Variants in CDH6 observed in about 807,000 individuals in gnomAD.
CDH6 encodes the protein cadherin 6.
In CDH6, 31 loss-of-function variants were observed where a neutral mutation model predicts 78.0. The ratio of observed to expected loss-of-function variants is 0.40; its 90% CI spans 0.30 to 0.54. The LOEUF is 0.54. Ranked by LOEUF, CDH6 falls within the 20% of genes least tolerant of loss-of-function variation. CDH6 has a pLI of 0.56. For missense variants in CDH6, 724 were observed against 975.9 expected, an observed-to-expected ratio of 0.74 and a Z score of 3.44; for synonymous variants, 376 against 368.8, an observed-to-expected ratio of 1.02 and a Z score of -0.23.
At chr5:31,316,173 T>C in intron 8 of CDH6, 35 bp from the exon 9 acceptor site, 1 of 1,589,378 alleles carries the variant, frequency 6.3e-7, no homozygotes, top group Non-Finnish European at 8.5e-7. Context: ...AATCAACATG[T>C]AAATGCCTTT....
At chr5:31,232,267 C>T (rs73758183) in intron 1 of CDH6, among the ~76,000 whole-genome samples, 1,849 of 152,282 alleles carry the variant, frequency 0.012, 40 homozygotes, top group African/African-American at 0.042. Flanking sequence ...AAAAGTGTTT[C>T]TGTTCCCCTC....
At chr5:31,314,281 T>C (rs777491816) in intron 8 of CDH6, among the ~76,000 whole-genome samples, 6 of 149,548 alleles carry the variant, frequency 4.0e-5, no homozygotes, top group Admixed American at 1.3e-4. Flanking sequence ...GTATATCTCC[T>C]AATGCTATCC....
chr5:31,270,180 A>G (rs1293933637), intron 2 of CDH6, among the ~76,000 whole-genome samples: 2 of 152,228 alleles, frequency 1.3e-5, no homozygotes, highest in African/African-American at 4.8e-5. Flanking sequence ...GCGATTATCC[A>G]GCTCCACTAG....
At chr5:31,258,868 G>A (rs1475747998) in intron 1 of CDH6, among the ~76,000 whole-genome samples, 2 of 152,138 alleles carry the variant, frequency 1.3e-5, no homozygotes. Flanking sequence ...CTTGTCATGT[G>A]GGCAGCAGCC....
At chr5:31,298,702 G>T (rs1194592822) in intron 4 of CDH6, among the ~76,000 whole-genome samples, 5 of 152,114 alleles carry the variant, frequency 3.3e-5, no homozygotes, top group Admixed American at 3.3e-4. Context: ...TAGAAATTGG[G>T]CAAACTTTTA....
rs1413756305 is a variant in CDH6, at chr5:31,327,491, G to C, written c.*4183G>C. 1 of 191,518 alleles carries C rather than the reference G, an allele frequency of 5.2e-6. No individual in the cohort carries two copies. The highest frequency in any genetic ancestry group is 8.3e-5 in the East Asian group (1 of 11,986). The allele number at this position is 191,518 out of a possible 1,614,324, so 11.9% of individuals were successfully genotyped here. On this transcript the variant is annotated 3_prime_UTR_variant, in exon 12 of 12. Coordinates refer to ENST00000265071, the MANE Select transcript of CDH6 (RefSeq NM_004932.4). The stretch of plus-strand genomic sequence containing the variant: ...GTTTTATCAAGATGAAATCTTGTTT[G>C]AATTGTGATATTATAAAAGGGGACT...
chr5:31,197,994 T>A (rs189997162), intron 1 of CDH6, among the ~76,000 whole-genome samples: 1 of 152,270 alleles, frequency 6.6e-6, no homozygotes, highest in East Asian at 1.9e-4. Context: ...ATAGTGTTTG[T>A]GATGCTATCA....
At chr5:31,267,275 C>A (rs1742388459) in intron 1 of CDH6, 71 bp from the exon 2 acceptor site, 1 of 511,928 alleles carries the variant, frequency 2.0e-6, no homozygotes, top group South Asian at 3.7e-5. Context: ...CTCTTTTTTC[C>A]CAGCCTATTT....
rs781387033 is a variant in CDH6, at chr5:31,305,359, T to C, written c.1185T>C (p.Asp395=). The C allele has an allele frequency of 4.3e-6, 7 of 1,614,012 alleles. No homozygotes were observed. Among genetic ancestry groups the C allele is most frequent in the Non-Finnish European group, 5.9e-6 (7 of 1,179,992 alleles). ...CCTACATCTTACAAATAAGAGAAGATGCTCAGATAAACACCACAATAGGCT... is the reference window on the plus strand; with the variant it reads ...CCTACATCTTACAAATAAGAGAAGACGCTCAGATAAACACCACAATAGGCT... ...KLAYILQIRE[D]AQINTTIGSV... is the part of the protein sequence containing the mutation. The change falls in exon 7 of 12, where the codon GAT becomes GAC. Residue 395 remains aspartate, a synonymous_variant. Transcript: ENST00000265071.
chr5:31,199,718 T>TATATATATATATAA (rs1177055995), intron 1 of CDH6, among the ~76,000 whole-genome samples: 1 of 78,360 alleles, frequency 1.3e-5, no homozygotes, highest in Non-Finnish European at 2.6e-5. Context: ...TATATATATC[T>TATATATATATATAA]CAAAGATAAA....
intron 1 of CDH6, among the ~76,000 whole-genome samples, chr5:31,253,459 G>A (rs1390365824): frequency 6.6e-6 from 1 of 152,266 alleles, no homozygotes; most frequent in South Asian, 2.1e-4. Flanking sequence ...GCTGAATTGT[G>A]AGCCAATTAA....
chr5:31,290,166 A>G (rs1163278902), intron 2 of CDH6, among the ~76,000 whole-genome samples: 1 of 152,192 alleles, frequency 6.6e-6, no homozygotes, highest in Non-Finnish European at 1.5e-5. Context: ...AGGCTGAGCC[A>G]AGAGAATTGC....
intron 1 of CDH6, among the ~76,000 whole-genome samples, chr5:31,255,870 C>T (rs1490724677): frequency 6.6e-6 from 1 of 152,326 alleles, no homozygotes; most frequent in Admixed American, 6.5e-5. Flanking sequence ...ATGAACAAAG[C>T]TATCCAAACA....
At chr5:31,231,739 G>A (rs76915559) in intron 1 of CDH6, among the ~76,000 whole-genome samples, 7,946 of 152,168 alleles carry the variant, frequency 0.052, 379 homozygotes, top group East Asian at 0.13. Context: ...ATTAATCCAT[G>A]CATGAACCTC....
At chr5:31,251,071 C>T (rs1338258236) in intron 1 of CDH6, 4 of 152,404 alleles carry the variant, frequency 2.6e-5, no homozygotes, top group African/African-American at 9.6e-5. Context: ...AGGCCACTTT[C>T]CTGGACACAG....
chr5:31,267,190 G>A (rs1742385768), intron 1 of CDH6, among the ~76,000 whole-genome samples, 156 bp from the exon 2 acceptor site: 2 of 152,264 alleles, frequency 1.3e-5, no homozygotes, highest in Middle Eastern at 3.4e-3. Flanking sequence ...CATTTAGCAT[G>A]TCTGGAAGAC....
At chr5:31,262,046 A>G (rs1742225468) in intron 1 of CDH6, among the ~76,000 whole-genome samples, 1 of 152,240 alleles carries the variant, frequency 6.6e-6, no homozygotes, top group Admixed American at 6.5e-5. Flanking sequence ...TTTTTGCACT[A>G]TTAATTTCCA....
intron 1 of CDH6, among the ~76,000 whole-genome samples, chr5:31,263,238 C>T (rs1470308669): frequency 6.7e-6 from 1 of 150,332 alleles, no homozygotes; most frequent in African/African-American, 2.4e-5. Context: ...AGCATGCTAA[C>T]ATGTGATTCA....
At chr5:31,240,867 A>G (rs1284700868) in intron 1 of CDH6, among the ~76,000 whole-genome samples, 1 of 152,142 alleles carries the variant, frequency 6.6e-6, no homozygotes, top group East Asian at 1.9e-4. Context: ...ATGCTTTCTG[A>G]ATCTCTCTTT....
Sources: gnomAD v4.1 joint callset for allele counts (sites outside exome capture counted in the v4.1 genomes callset) on GRCh38, gnomAD v4.1.1 for gene constraint, MANE v1.5 for transcripts, NCBI Gene and HGNC (gene_info 2026-07-23, HGNC 2026-07-21) for gene names.